Variants in CAMTA1 observed in about 807,000 individuals in gnomAD.
CAMTA1 encodes the protein calmodulin-binding transcription activator 1.
CAMTA1 carries 27 observed loss-of-function variants against 170.9 expected under a neutral mutation model. The observed-to-expected ratio is 0.16, with a 90% CI of 0.12 to 0.22. The LOEUF (loss-of-function observed/expected upper bound fraction) is 0.22. Ranked by LOEUF, CAMTA1 falls within the 10% of genes least tolerant of loss-of-function variation. The pLI, the probability that CAMTA1 is intolerant of heterozygous loss-of-function variation, is 1.00. For synonymous variants in CAMTA1, 833 were observed against 891.5 expected (o/e 0.93, Z 1.17); for missense variants, 1,619 against 2,217.2 (o/e 0.73, Z 5.42).
At chr1:6,825,250 G>A (rs749814129) in intron 3 of CAMTA1, 40 bp downstream of exon 3, 3 of 1,180,232 alleles carry the variant, frequency 2.5e-6, no homozygotes, top group African/African-American at 1.6e-5. Flanking sequence ...ATTATTTTAA[G>A]GGCAAATTTT....
chr1:7,180,749 C>T (rs914396375), intron 4 of CAMTA1, among the ~76,000 whole-genome samples: 1 of 152,052 alleles, frequency 6.6e-6, no homozygotes, highest in Admixed American at 6.5e-5. Context: ...GGGGCTCAAA[C>T]GGTCCATCTG....
chr1:7,214,142 T>C (rs1659314509), intron 4 of CAMTA1, among the ~76,000 whole-genome samples: 1 of 152,148 alleles, frequency 6.6e-6, no homozygotes, highest in Admixed American at 6.5e-5. Context: ...GATGGGTGGG[T>C]CAAATGGTAA....
rs34768255 is a variant in CAMTA1, at chr1:7,270,291, A to ATTT, written c.438+20678_438+20680dup. On this transcript the variant is annotated intron_variant, in intron 5 of 22. Transcript: ENST00000303635. Reference sequence around the variant, plus strand: ...CACACACACATATATATATATATATATTTTTTTTTTTTTTTCTTGTGAGAT... The same window carrying ATTT: ...CACACACACATATATATATATATATATTTTTTTTTTTTTTTTTTCTTGTGAGAT... Among the ~76,000 whole-genome samples the ATTT allele has an allele frequency of 2.8e-3, 313 of 110,488 alleles. 7 individuals are homozygous for ATTT. Among genetic ancestry groups the ATTT allele is most frequent in the African/African-American group, 9.7e-3 (286 of 29,614 alleles). The allele number at this position is 110,488 out of a possible 152,430, so 72.5% of individuals were successfully genotyped here.
chr1:7,484,441 C>A (rs2093588024), intron 6 of CAMTA1, among the ~76,000 whole-genome samples: 1 of 152,236 alleles, frequency 6.6e-6, no homozygotes, highest in Non-Finnish European at 1.5e-5. Flanking sequence ...TCAGTTTCCT[C>A]ATCCGCAGAA....
In CAMTA1 at chr1:7,736,671, T is replaced by C; in HGVS notation, c.3263+131T>C. ...TATAGCCGGCGAGCAAAGGGCTTTG[T>C]CCTTGGACAGTTTCCAAGGGAGTTT... On this transcript the variant is annotated intron_variant, in intron 13 of 22. Coordinates refer to ENST00000303635, the MANE Select transcript of CAMTA1 (RefSeq NM_015215.4). This position sits in a 1 kb window ranked among gnomAD's most constrained non-coding sequence, Gnocchi z 4.5. The C allele has an allele frequency of 1.1e-6, 1 of 884,832 alleles. No individual in the cohort carries two copies. Among genetic ancestry groups the C allele is most frequent in the East Asian group, 2.5e-5 (1 of 39,656 alleles). The allele number at this position is 884,832 out of a possible 1,614,324, so 54.8% of individuals were successfully genotyped here.
chr1:6,925,178 G>A (rs1184317990), intron 3 of CAMTA1, among the ~76,000 whole-genome samples: 2 of 152,228 alleles, frequency 1.3e-5, no homozygotes, highest in Non-Finnish European at 2.9e-5. Context: ...TTCTGAACCT[G>A]CTCCATCCCT....
intron 6 of CAMTA1, among the ~76,000 whole-genome samples, chr1:7,608,959 G>C (rs2095504999): frequency 6.6e-6 from 1 of 152,086 alleles, no homozygotes; most frequent in South Asian, 2.1e-4. Flanking sequence ...ACATTCTATG[G>C]GGAAATTCTA....
intron 5 of CAMTA1, among the ~76,000 whole-genome samples, chr1:7,306,148 T>C (rs1054175715): frequency 6.6e-6 from 1 of 152,038 alleles, no homozygotes; most frequent in Non-Finnish European, 1.5e-5. Flanking sequence ...AGCGATTGTT[T>C]CTTTTATGGA....
chr1:7,479,290 C>T (rs12562016), intron 6 of CAMTA1, among the ~76,000 whole-genome samples: 10,766 of 152,250 alleles, frequency 0.071, 844 homozygotes, highest in East Asian at 0.42. Flanking sequence ...AAGACAGGTG[C>T]GCCCAGGTAC....
intron 5 of CAMTA1, among the ~76,000 whole-genome samples, chr1:7,398,693 T>C (rs1376959679): frequency 6.6e-6 from 1 of 152,176 alleles, no homozygotes; most frequent in African/African-American, 2.4e-5. Flanking sequence ...GTTTTTTGGC[T>C]CTTTTGTACA....
At chr1:7,096,151 CA>C (rs1381056480) in intron 4 of CAMTA1, among the ~76,000 whole-genome samples, 1 of 152,178 alleles carries the variant, frequency 6.6e-6, no homozygotes, top group Non-Finnish European at 1.5e-5. Flanking sequence ...AGCAATAAAA[CA>C]GCCCAGTAGA....
At chr1:7,132,861 C>T (rs1439321093) in intron 4 of CAMTA1, among the ~76,000 whole-genome samples, 4 of 152,070 alleles carry the variant, frequency 2.6e-5, no homozygotes, top group Admixed American at 1.3e-4. Flanking sequence ...TACCTATTGA[C>T]GTGATCATAT....
chr1:6,865,774 T>G (rs2148938476), intron 3 of CAMTA1, among the ~76,000 whole-genome samples: 1 of 152,312 alleles, frequency 6.6e-6, no homozygotes, highest in East Asian at 1.9e-4. Flanking sequence ...AAGTGAGACC[T>G]TAGTTGAAAA....
chr1:7,493,741 C>T (rs114612217), intron 6 of CAMTA1, among the ~76,000 whole-genome samples: 1,676 of 152,288 alleles, frequency 0.011, 37 homozygotes, highest in African/African-American at 0.039. Flanking sequence ...TCAAAGGGTT[C>T]CCTGGCCACG....
At chr1:7,329,639 A>G (rs1315555036) in intron 5 of CAMTA1, among the ~76,000 whole-genome samples, 1 of 152,196 alleles carries the variant, frequency 6.6e-6, no homozygotes, top group Non-Finnish European at 1.5e-5. Flanking sequence ...CCATTCAGAA[A>G]AAGTGATTTC....
intron 5 of CAMTA1, among the ~76,000 whole-genome samples, chr1:7,357,204 G>A (rs1420651326): frequency 1.3e-5 from 2 of 152,204 alleles, no homozygotes; most frequent in Non-Finnish European, 2.9e-5. Context: ...AGGAAAGAAG[G>A]CATCGAGGGA....
chr1:7,507,324 C>G (rs2094134834), intron 6 of CAMTA1, among the ~76,000 whole-genome samples: 1 of 152,202 alleles, frequency 6.6e-6, no homozygotes, highest in Admixed American at 6.5e-5. Flanking sequence ...CTCTCCGGCT[C>G]TCCCTGCCTC....
intron 6 of CAMTA1, among the ~76,000 whole-genome samples, chr1:7,618,035 A>T (rs1374792333): frequency 6.6e-6 from 1 of 152,144 alleles, no homozygotes; most frequent in Non-Finnish European, 1.5e-5. Context: ...ACCCAGATGG[A>T]CTTGAGTCTG....
intron 5 of CAMTA1, among the ~76,000 whole-genome samples, chr1:7,408,228 G>A (rs1044732839): frequency 6.6e-5 from 10 of 152,334 alleles, no homozygotes; most frequent in East Asian, 1.9e-4. Context: ...TGGCGATGGC[G>A]GGGCAGACAG....
Sources: gnomAD v4.1 joint callset for allele counts (sites outside exome capture counted in the v4.1 genomes callset) on GRCh38, gnomAD v4.1.1 for gene constraint, Gnocchi (gnomAD v3.1) non-coding constraint, MANE v1.5 for transcripts, NCBI Gene and HGNC (gene_info 2026-07-23, HGNC 2026-07-21) for gene names.